ATAD2B: variants seen among roughly 807,000 people sequenced by gnomAD.
ATAD2B encodes ATPase family AAA domain-containing protein 2B.
In ATAD2B, 40 loss-of-function variants were observed where a neutral mutation model predicts 167.6. The observed-to-expected ratio is 0.24, with a 90% CI of 0.19 to 0.31. The LOEUF is 0.31. ATAD2B is among the 10% of genes least tolerant of loss of function. ATAD2B has a pLI of 1.00. For synonymous variants in ATAD2B, 579 were observed against 596.5 expected, an observed-to-expected ratio of 0.97 and a Z score of 0.43; for missense variants, 1,242 against 1,757.2, an observed-to-expected ratio of 0.71 and a Z score of 5.24.
intron 27 of ATAD2B, 142 bp downstream of exon 27, chr2:23,754,037 G>T: frequency 2.9e-6 from 2 of 678,784 alleles, no homozygotes; most frequent in Non-Finnish European, 4.6e-6. Context: ...AACTCTTAAT[G>T]ATTTTTGTCT....
chr2:23,884,473 T>C (rs909795266), intron 6 of ATAD2B, among the ~76,000 whole-genome samples: 12 of 152,174 alleles, frequency 7.9e-5, no homozygotes, highest in African/African-American at 2.7e-4. Flanking sequence ...AGGCCTCATC[T>C]AAGAAGCAAA....
chr2:23,847,272 G>A (rs1573014520), intron 13 of ATAD2B, among the ~76,000 whole-genome samples: 1 of 150,572 alleles, frequency 6.6e-6, no homozygotes, highest in Non-Finnish European at 1.5e-5. Flanking sequence ...TTGGGAGGCC[G>A]AGGCAGGCGG....
chr2:23,760,735 C>T lies in ATAD2B; in HGVS notation c.3394+1474G>A, dbSNP rs59119422. Among the ~76,000 whole-genome samples the T allele has an allele frequency of 1.8e-3, 184 of 101,270 alleles. 2 individuals carry two copies. The highest frequency in any genetic ancestry group is 4.9e-3 in the African/African-American group (143 of 29,198). The allele number at this position is 101,270 out of a possible 152,430, so 66.4% of individuals were successfully genotyped here. On this transcript the variant is annotated intron_variant, in intron 24 of 27. Coordinates refer to ENST00000238789, the MANE Select transcript of ATAD2B (RefSeq NM_017552.4). The stretch of plus-strand genomic sequence containing the variant: ...ACACACACACACACACACACATATA[C>T]ACACACACACACACATACACACACA...
chr2:23,883,629 GT>G (rs1175690929), intron 6 of ATAD2B: 1 of 1,292,622 alleles, frequency 7.7e-7, no homozygotes, highest in South Asian at 1.3e-5. Flanking sequence ...CAATTTAGAG[GT>G]TCTAGCTGTA....
At chr2:23,890,168 T>C (rs1165864227) in intron 2 of ATAD2B, among the ~76,000 whole-genome samples, 1 of 151,976 alleles carries the variant, frequency 6.6e-6, no homozygotes, top group Non-Finnish European at 1.5e-5. Context: ...TGAGCCGAGA[T>C]CGCGCCACTG....
chr2:23,730,534 T>C, the ATAD2B span, among the ~76,000 whole-genome samples: 1 of 150,936 alleles, frequency 6.6e-6, no homozygotes, highest in Non-Finnish European at 1.5e-5. Context: ...GGTGTGGTGG[T>C]GGGCACCTGT....
At chr2:23,823,015 G>A (rs1383300956) in intron 16 of ATAD2B, among the ~76,000 whole-genome samples, 1 of 146,112 alleles carries the variant, frequency 6.8e-6, no homozygotes, top group Non-Finnish European at 1.5e-5. Context: ...ACTTTCTAAA[G>A]ATAGTAATAG....
the ATAD2B span, among the ~76,000 whole-genome samples, chr2:23,686,856 C>A: frequency 6.6e-6 from 1 of 152,170 alleles, no homozygotes; most frequent in African/African-American, 2.4e-5. Context: ...CAAAGCCAAG[C>A]CCAGGGTGCC....
the ATAD2B span, chr2:23,695,916 G>A: frequency 1.3e-6 from 2 of 1,546,198 alleles, no homozygotes; most frequent in East Asian, 4.9e-5. This position sits in a 1 kb window ranked among gnomAD's most constrained non-coding sequence, Gnocchi z 7.6. Context: ...CAGTCTTAGA[G>A]TGTGTCCCAA....
chr2:23,764,433 G>C (rs1677140503), intron 23 of ATAD2B, among the ~76,000 whole-genome samples: 1 of 152,072 alleles, frequency 6.6e-6, no homozygotes, highest in South Asian at 2.1e-4. Context: ...AGCTGAAGTG[G>C]GTAATAGGCA....
At chr2:23,911,720 A>C (rs1702336660) in intron 1 of ATAD2B, among the ~76,000 whole-genome samples, 1 of 152,160 alleles carries the variant, frequency 6.6e-6, no homozygotes, top group Non-Finnish European at 1.5e-5. Flanking sequence ...CATGCTTATA[A>C]TCCCAGCACT....
intron 3 of ATAD2B, 50 bp downstream of exon 3, chr2:23,888,300 T>C (rs2150293969): frequency 7.7e-7 from 1 of 1,300,802 alleles, no homozygotes; most frequent in South Asian, 1.3e-5. Flanking sequence ...CTGCTTTCTC[T>C]AACATTGTAA....
intron 20 of ATAD2B, among the ~76,000 whole-genome samples, chr2:23,786,650 C>T (rs1036326180): frequency 3.3e-5 from 5 of 152,006 alleles, no homozygotes; most frequent in East Asian, 1.9e-4. Context: ...CATTATGCAG[C>T]GCATGACTAT....
chr2:23,691,699 G>T, the ATAD2B span: 2 of 1,551,788 alleles, frequency 1.3e-6, no homozygotes, highest in Admixed American at 2.0e-5. Context: ...CGGCCAGGGC[G>T]GCCGGGAGAA....
intron 17 of ATAD2B, among the ~76,000 whole-genome samples, chr2:23,818,098 CACACACACACACACACACACACATT>C (rs1686757990): frequency 6.1e-4 from 3 of 4,902 alleles, no homozygotes; most frequent in South Asian, 7.0e-3. Flanking sequence ...ACACACATTA[CACACACACACACACACACACACATT>C]ACACACACAC....
chr2:23,751,164 C>A lies in ATAD2B; in HGVS notation c.*882G>T, dbSNP rs1039948622. ...TTTCTAGTCATCATTGTTGGCAATA[C>A]CAAAACGTGTGCAGTTTTGTTTTTT... On this transcript the variant is annotated 3_prime_UTR_variant, in exon 28 of 28. Coordinates refer to ENST00000238789, the MANE Select transcript of ATAD2B (RefSeq NM_017552.4). 1.3e-5 allele frequency: 2 copies of A among 152,072 alleles called. No individual in the cohort carries two copies. The highest frequency in any genetic ancestry group is 4.8e-5 in the African/African-American group (2 of 41,420). The allele number at this position is 152,072 out of a possible 1,614,324, so 9.4% of individuals were successfully genotyped here. A position where few individuals can be genotyped will look rare whatever the true frequency, so the allele number is the denominator to read the frequency against.
the ATAD2B span, among the ~76,000 whole-genome samples, chr2:23,683,387 C>A: frequency 6.6e-6 from 1 of 152,238 alleles, no homozygotes; most frequent in African/African-American, 2.4e-5. Flanking sequence ...CCCAGGGGAT[C>A]CTGGGGGCAG....
the ATAD2B span, among the ~76,000 whole-genome samples, chr2:23,692,204 G>T: frequency 6.6e-6 from 1 of 152,246 alleles, no homozygotes; most frequent in East Asian, 1.9e-4. Context: ...TATGGCCCTG[G>T]CCTCACAGTC....
At chr2:23,895,130 C>G (rs949691027) in intron 2 of ATAD2B, among the ~76,000 whole-genome samples, 17 of 152,096 alleles carry the variant, frequency 1.1e-4, no homozygotes, top group Middle Eastern at 3.4e-3. Flanking sequence ...TTAAAGAACC[C>G]TTTAGTTCCC....
Sources: allele counts gnomAD v4.1 joint callset (sites outside exome capture counted in the v4.1 genomes callset), GRCh38; gene constraint gnomAD v4.1.1; non-coding constraint Gnocchi (gnomAD v3.1); transcripts MANE v1.5; gene names NCBI Gene and HGNC (gene_info 2026-07-23, HGNC 2026-07-21).